Variants in SIDT2 observed in about 807,000 individuals in gnomAD.
SIDT2 encodes the protein SID1 transmembrane family member 2, also known as SID1 transmembrane family, member 2.
In SIDT2, 68 loss-of-function variants were observed where a neutral mutation model predicts 114.4. That is an observed-to-expected ratio of 0.59 (90% CI 0.49 to 0.73). The LOEUF is 0.73. Ranked by LOEUF, SIDT2 falls within the 30% of genes least tolerant of loss-of-function variation. The pLI is 0.00. For missense variants in SIDT2, 918 were observed against 1,097.1 expected, an observed-to-expected ratio of 0.84 and a Z score of 2.31; for synonymous variants, 470 against 438.4, an observed-to-expected ratio of 1.07 and a Z score of -0.90.
At chr11:117,189,082 G>C in intron 13 of SIDT2, 87 bp from the exon 14 acceptor site, 1 of 1,382,682 alleles carries the variant, frequency 7.2e-7, no homozygotes, top group African/African-American at 1.4e-5. Flanking sequence ...CCCTGTGTGA[G>C]GGAGGCCCCT....
Position 117,192,159 on chromosome 11 carries a change from C to G in SIDT2, c.1873-95C>G. On this transcript the variant is annotated intron_variant, in intron 19 of 25. Coordinates refer to ENST00000324225, the MANE Select transcript of SIDT2 (RefSeq NM_001040455.2). This position sits in a 1 kb window ranked among gnomAD's most constrained non-coding sequence, Gnocchi z 5.9. ...TGCCTTCCTGGGCCCCTCTCAGAGTCCCAGCCTGGCTGAGCAGCCAGCCCC... is the reference window on the plus strand; with the variant it reads ...TGCCTTCCTGGGCCCCTCTCAGAGTGCCAGCCTGGCTGAGCAGCCAGCCCC... The G allele has an allele frequency of 6.6e-7, 1 of 1,514,050 alleles. No homozygotes were observed. Among genetic ancestry groups the G allele is most frequent in the Non-Finnish European group, 9.1e-7 (1 of 1,097,670 alleles). The allele number at this position is 1,514,050 out of a possible 1,614,324, so 93.8% of individuals were successfully genotyped here. A position where few individuals can be genotyped will look rare whatever the true frequency, so the allele number is the denominator to read the frequency against.
intron 15 of SIDT2, 128 bp from the exon 16 acceptor site, chr11:117,189,824 T>C: frequency 1.3e-6 from 1 of 784,586 alleles, no homozygotes; most frequent in East Asian, 2.5e-5. Flanking sequence ...GTGCCTGCGG[T>C]GCTGTGTATT....
intron 10 of SIDT2, chr11:117,186,975 G>A: frequency 1.4e-6 from 2 of 1,463,162 alleles, no homozygotes; most frequent in Non-Finnish European, 1.8e-6. Context: ...TCCTGCGTGG[G>A]ACCTTCTCTC....
intron 15 of SIDT2, 111 bp from the exon 16 acceptor site, chr11:117,189,841 T>C: frequency 2.1e-6 from 2 of 940,998 alleles, no homozygotes. Context: ...TATTCCCACC[T>C]GCTAGCTGTG....
In SIDT2 at chr11:117,192,145, G is replaced by C. The variant is rs2030725668; in HGVS notation, c.1873-109G>C. The stretch of plus-strand genomic sequence containing the variant: ...CTCCTTCCCTGAGATGCCTTCCTGG[G>C]CCCCTCTCAGAGTCCCAGCCTGGCT... On this transcript the variant is annotated intron_variant, in intron 19 of 25. Transcript: ENST00000324225. The surrounding 1 kb of genome is among the most constrained non-coding windows in gnomAD (Gnocchi z 5.9). 1 of 1,533,388 alleles carries C rather than the reference G, an allele frequency of 6.5e-7. No homozygotes were observed. Among genetic ancestry groups the C allele is most frequent in the African/African-American group, 1.4e-5 (1 of 70,964 alleles). 95.0% of individuals were successfully genotyped at this position (1,533,388 alleles called of 1,614,324 possible).
At chr11:117,193,075 A>G in intron 22 of SIDT2, 78 bp from the exon 23 acceptor site, 1 of 1,482,218 alleles carries the variant, frequency 6.7e-7, no homozygotes, top group South Asian at 1.1e-5. Flanking sequence ...TCATAATAAA[A>G]CATGCCTAGG....
chr11:117,187,588 G>A lies in SIDT2; in HGVS notation c.1088-40G>A, dbSNP rs763908740. The A allele has an allele frequency of 8.9e-5, 144 of 1,609,886 alleles. No homozygotes were observed. The East Asian group carries it at 2.9e-3, about 32-fold the overall frequency. ...AGATGCTCAGAGCCCCTTTCCCTGC[G>A]GCCTCTCCTTCCTGCCTCACCACTG... On this transcript the variant is annotated intron_variant, in intron 11 of 25. Coordinates refer to ENST00000324225, the MANE Select transcript of SIDT2 (RefSeq NM_001040455.2).
chr11:117,183,956 C>G lies in SIDT2; in HGVS notation c.802+78C>G, dbSNP rs1053700780. The G allele has an allele frequency of 2.7e-6, 4 of 1,500,100 alleles. No individual in the cohort carries two copies. The South Asian group carries it at 4.5e-5, about 17-fold the overall frequency. The allele number at this position is 1,500,100 out of a possible 1,614,324, so 92.9% of individuals were successfully genotyped here. A position where few individuals can be genotyped will look rare whatever the true frequency, so the allele number is the denominator to read the frequency against. On this transcript the variant is annotated intron_variant, in intron 7 of 25. Transcript: ENST00000324225. ...CTGGGAGCAAGAAGAGCCTGCGTGG[C>G]TGATTGGTGGACCTGATAGGACATG...
rs1279834506 is a variant in SIDT2 at position 117,192,212 on chromosome 11, C to T, written c.1873-42C>T. The T allele has an allele frequency of 6.8e-7, 1 of 1,469,422 alleles. No homozygotes were observed. The highest frequency in any genetic ancestry group is 1.4e-5 in the African/African-American group (1 of 71,924). 91.0% of individuals were successfully genotyped at this position (1,469,422 alleles called of 1,614,324 possible). On this transcript the variant is annotated intron_variant, in intron 19 of 25. Coordinates refer to ENST00000324225, the MANE Select transcript of SIDT2 (RefSeq NM_001040455.2). The surrounding 1 kb of genome is among the most constrained non-coding windows in gnomAD (Gnocchi z 5.9). ...GAAGGGTGGGCCATCCGAGCCACTT[C>T]CCTCTCCACCCTCACCGCTGCCCTT...
At chr11:117,182,003 G>A (rs771672297) in intron 3 of SIDT2, 32 bp downstream of exon 3, 3 of 1,613,992 alleles carry the variant, frequency 1.9e-6, no homozygotes, top group Non-Finnish European at 2.5e-6. Context: ...GACCACGGGG[G>A]CTGGTTCTTC....
intron 10 of SIDT2, 105 bp from the exon 11 acceptor site, chr11:117,187,273 A>G (rs2030531373): frequency 8.6e-7 from 1 of 1,164,330 alleles, no homozygotes; most frequent in South Asian, 1.2e-5. Flanking sequence ...GTCTGCTGGC[A>G]TGGCCTCCCT....
rs2030392154 is a variant in SIDT2, at chr11:117,183,798, A to G, written c.722A>G (p.Asn241Ser). Residue 241 changes from asparagine (N) to serine (S), a missense_variant, in exon 7 of 26, where the codon AAC (asparagine) becomes AGC (serine). By Grantham distance (46) the Asn-to-Ser change is conservative. Around this residue, in one of 4 missense-constraint regions of SIDT2, gnomAD observed 553 missense variants for 600.1 expected, o/e 0.92. Transcript: ENST00000324225. ...ITVQRKDFPS[N>S]SFYVVVVVKT... is the part of the protein sequence containing the mutation. The stretch of plus-strand genomic sequence containing the variant: ...CTGCAGCGCAAAGACTTCCCCAGCA[A>G]CAGCTTTTATGTGGTGGTGGTGGTG... 1.9e-6 allele frequency: 3 copies of G among 1,613,762 alleles called. No individual in the cohort carries two copies. The highest frequency in any genetic ancestry group is 1.3e-5 in the African/African-American group (1 of 74,916).
At chr11:117,193,636 C>G (rs2030780972) in intron 23 of SIDT2, among the ~76,000 whole-genome samples, 1 of 152,122 alleles carries the variant, frequency 6.6e-6, no homozygotes, top group Non-Finnish European at 1.5e-5. Flanking sequence ...GTGCACTGTC[C>G]CGACACAGGG....
rs1245475748 is a variant in SIDT2, at chr11:117,187,413, A to G, written c.1051A>G (p.Ser351Gly). Residue 351 changes from serine (S) to glycine (G), a missense_variant, in exon 11 of 26, where the codon AGT becomes GGT. Transcript: ENST00000324225. Reference protein sequence around the residue: ...PRVLADSFPGSSPYEGYNYGS... With the variant: ...PRVLADSFPGGSPYEGYNYGS... Reference sequence around the variant, plus strand: ...AGTCCTGGCTGATTCTTTTCCTGGCAGTTCCCCTTATGAGGGTTACAACTA... The same window carrying G: ...AGTCCTGGCTGATTCTTTTCCTGGCGGTTCCCCTTATGAGGGTTACAACTA... 6.2e-7 allele frequency: 1 copy of G among 1,613,904 alleles called. No individual in the cohort carries two copies.
At chr11:117,195,717 T>C in intron 24 of SIDT2, 85 bp from the exon 25 acceptor site, 1 of 1,397,946 alleles carries the variant, frequency 7.2e-7, no homozygotes. Flanking sequence ...GAGAGAGGGG[T>C]GCCCAGGAGC....
intron 6 of SIDT2, among the ~76,000 whole-genome samples, chr11:117,183,017 C>G (rs978995508): frequency 6.6e-5 from 10 of 152,248 alleles, no homozygotes; most frequent in African/African-American, 2.4e-4. Context: ...GTAGAGTACC[C>G]CCTTCTGGCT....
At position 117,193,270 on chromosome 11, in the gene SIDT2, T is replaced by TG; in HGVS notation, c.2211+14dup. ...ACATCATCATGAAGGTGAGTGGGGC[T>TG]GGCCAAGCCCCCTCTGTCAGCTGCT... On this transcript the variant is annotated intron_variant, in intron 23 of 25. Coordinates refer to ENST00000324225, the MANE Select transcript of SIDT2 (RefSeq NM_001040455.2). 6.2e-7 allele frequency: 1 copy of TG among 1,605,958 alleles called. No homozygotes were observed. The highest frequency in any genetic ancestry group is 8.5e-7 in the Non-Finnish European group (1 of 1,173,946).
rs1203326775 is a variant in SIDT2 at position 117,181,921 on chromosome 11, C to G, written c.420C>G (p.Val140=). 4 of 1,614,034 alleles carry G rather than the reference C, an allele frequency of 2.5e-6. No individual in the cohort carries two copies. The highest frequency in any genetic ancestry group is 3.4e-6 in the Non-Finnish European group (4 of 1,180,038). ...TGGATGTGTCCACCCTGTCACCAGT[C>G]AACACCACATACCAGCTCCGGGTCA... ...FYVDVSTLSP[V]NTTYQLRVSR... The change falls in exon 3 of 26, where the codon GTC becomes GTG. Residue 140 remains valine, a synonymous_variant. Coordinates refer to ENST00000324225, the MANE Select transcript of SIDT2 (RefSeq NM_001040455.2).
chr11:117,192,733 G>C lies in SIDT2; in HGVS notation c.2058+83G>C, dbSNP rs778216149. 3 of 1,610,748 alleles carry C rather than the reference G, an allele frequency of 1.9e-6. No individual in the cohort carries two copies. The highest frequency in any genetic ancestry group is 2.5e-6 in the Non-Finnish European group (3 of 1,177,584). ...GGAGTGGGGCTGGGCTGAGGACCCA[G>C]GGGAGAGTGGGGACCAGCTGGCTGG... On this transcript the variant is annotated intron_variant, in intron 21 of 25. Coordinates refer to ENST00000324225, the MANE Select transcript of SIDT2 (RefSeq NM_001040455.2). This position sits in a 1 kb window ranked among gnomAD's most constrained non-coding sequence, Gnocchi z 5.9.
Sources: allele counts gnomAD v4.1 joint callset (sites outside exome capture counted in the v4.1 genomes callset), GRCh38; gene constraint gnomAD v4.1.1; regional missense constraint gnomAD v4.1.1; non-coding constraint Gnocchi (gnomAD v3.1); transcripts MANE v1.5; gene names NCBI Gene and HGNC (gene_info 2026-07-23, HGNC 2026-07-21).